The following LRRFIP1 variants were observed in gnomAD, a reference collection of about 807,000 sequenced individuals.
LRRFIP1 encodes the protein LRR binding FLII interacting protein 1.
LRRFIP1 carries 62 observed loss-of-function variants against 104.4 expected under a neutral mutation model. The observed-to-expected ratio is 0.59, with a 90% confidence interval of 0.48 to 0.73. The LOEUF is 0.73. Ranked by LOEUF, LRRFIP1 falls within the 30% of genes least tolerant of loss-of-function variation. The probability of loss-of-function intolerance (pLI) is 0.00; values close to 1 mark genes in which losing one functional copy is unlikely to be tolerated. For synonymous variants in LRRFIP1, 300 were observed against 299.0 expected (o/e 1.00, Z -0.03); for missense variants, 796 against 824.5 (o/e 0.97, Z 0.42).
intron 1 of LRRFIP1, among the ~76,000 whole-genome samples, chr2:237,650,739 T>C (rs7558097): frequency 0.59 from 90,149 of 152,172 alleles, 27,093 homozygotes; most frequent in African/African-American, 0.69. Flanking sequence ...TTGCATTCTG[T>C]ATGCCTTCTG....
In LRRFIP1 at chr2:237,760,130, G is replaced by A. The variant is rs553781888; in HGVS notation, c.1384G>A (p.Val462Ile). The change falls in exon 19 of 24, where the codon GTT (valine) becomes ATT (isoleucine). Residue 462 changes from valine (V) to isoleucine (I), a missense_variant. Coordinates refer to ENST00000308482, the MANE Select transcript of LRRFIP1 (RefSeq NM_001137550.2). ...AGAGACTTCCGACACCCTCAATAAT[G>A]TTGGATACCAAGGTCCTACCAAGAT... is the stretch of plus-strand genomic sequence containing the variant. ...NGETSDTLNN[V>I]GYQGPTKMTK... The A allele has an allele frequency of 1.2e-6, 2 of 1,613,928 alleles. No homozygotes were observed. Among genetic ancestry groups the A allele is most frequent in the South Asian group, 2.2e-5 (2 of 91,068 alleles).
In LRRFIP1 at chr2:237,649,885, T is replaced by C. The variant is rs62183641; in HGVS notation, c.96+22145T>C. Among the ~76,000 whole-genome samples, 20,757 of 151,940 alleles carry C rather than the reference T, an allele frequency of 0.14. 2,176 individuals are homozygous for C. The highest frequency in any genetic ancestry group is 0.21 in the Non-Finnish European group (14,544 of 67,854). On this transcript the variant is annotated intron_variant, in intron 1 of 23. Coordinates refer to ENST00000308482, the MANE Select transcript of LRRFIP1 (RefSeq NM_001137550.2). The surrounding 1 kb of genome is among the most constrained non-coding windows in gnomAD (Gnocchi z 4.1). Reference sequence around the variant, plus strand: ...GATTACCCCCCGGCATGTCCTAATATACTGCAGCCTTCGAAAGAGATGTAG... The same window carrying C: ...GATTACCCCCCGGCATGTCCTAATACACTGCAGCCTTCGAAAGAGATGTAG...
Position 237,738,489 on chromosome 2 carries a change from C to T in LRRFIP1, c.556-743C>T, listed in dbSNP as rs115036929. On this transcript the variant is annotated intron_variant, in intron 10 of 23. Transcript: ENST00000308482. ...CTTGAAGATGCTCCTCAGGACATGT[C>T]GGGATCCTAAATAGTGTTCAAATCC... Among the ~76,000 whole-genome samples, 276 of 152,250 alleles carry T rather than the reference C, an allele frequency of 1.8e-3. 1 individual carries two copies. Among genetic ancestry groups the T allele is most frequent in the African/African-American group, 6.4e-3 (264 of 41,532 alleles).
chr2:237,673,782 CT>C (rs2149568865), intron 1 of LRRFIP1, among the ~76,000 whole-genome samples: 1 of 152,212 alleles, frequency 6.6e-6, no homozygotes, highest in African/African-American at 2.4e-5. Flanking sequence ...AAGACAGCAG[CT>C]GTGGGAGGGC....
At chr2:237,683,336 GA>G (rs1453051486) in intron 1 of LRRFIP1, 2 of 152,254 alleles carry the variant, frequency 1.3e-5, no homozygotes, top group East Asian at 3.8e-4. Flanking sequence ...GCTGCCCAGT[GA>G]GGTACAGGGT....
chr2:237,739,097 CTT>C, intron 10 of LRRFIP1, 133 bp from the exon 11 acceptor site: 1 of 683,152 alleles, frequency 1.5e-6, no homozygotes, highest in Non-Finnish European at 2.5e-6. Flanking sequence ...CCCTAACTCT[CTT>C]TTCCTTGCCG....
At chr2:237,668,794 A>T (rs2149524211) in intron 1 of LRRFIP1, among the ~76,000 whole-genome samples, 1 of 152,342 alleles carries the variant, frequency 6.6e-6, no homozygotes, top group African/African-American at 2.4e-5. Flanking sequence ...GCTGAAAGAA[A>T]ATATTTATTA....
At position 237,661,037 on chromosome 2, in the gene LRRFIP1, C is replaced by T. The variant is rs1307764478; in HGVS notation, c.96+33297C>T. Among the ~76,000 whole-genome samples the T allele has an allele frequency of 1.3e-5, 2 of 152,180 alleles. No individual in the cohort carries two copies. Among genetic ancestry groups the T allele is most frequent in the Non-Finnish European group, 2.9e-5 (2 of 68,032 alleles). On this transcript the variant is annotated intron_variant, in intron 1 of 23. Coordinates refer to ENST00000308482, the MANE Select transcript of LRRFIP1 (RefSeq NM_001137550.2). The surrounding 1 kb of genome is among the most constrained non-coding windows in gnomAD (Gnocchi z 4.4). ...CAGCCTGGCTCCAGAGGCACGCAGT[C>T]CCTGTGCCCCGAGAAACTAACATGC... is the stretch of plus-strand genomic sequence containing the variant.
intron 1 of LRRFIP1, among the ~76,000 whole-genome samples, chr2:237,682,926 T>C (rs1003687190): frequency 5.3e-5 from 8 of 152,240 alleles, no homozygotes; most frequent in Non-Finnish European, 1.2e-4. Context: ...TTCCACAGTG[T>C]GGGCACCTCG....
At position 237,673,353 on chromosome 2, in the gene LRRFIP1, G is replaced by A. The variant is rs947205036; in HGVS notation, c.97-35191G>A. 3.3e-5 allele frequency among the ~76,000 whole-genome samples: 5 copies of A among 152,230 alleles called. No individual in the cohort carries two copies. The South Asian group carries it at 6.2e-4, about 19-fold the overall frequency. On this transcript the variant is annotated intron_variant, in intron 1 of 23. Transcript: ENST00000308482. ...CGCCAGGAAGCCATGGTAGGCGCCC[G>A]GGGGGAGTCTGGACGTCACCCCATT... is the stretch of plus-strand genomic sequence containing the variant.
At chr2:237,747,465 C>T (rs2058026288) in intron 11 of LRRFIP1, among the ~76,000 whole-genome samples, 1 of 152,196 alleles carries the variant, frequency 6.6e-6, no homozygotes, top group South Asian at 2.1e-4. Context: ...AGCACCTGCA[C>T]CCCTGTGCTG....
intron 5 of LRRFIP1, among the ~76,000 whole-genome samples, chr2:237,720,256 C>CT (rs954032828): frequency 7.4e-5 from 11 of 148,734 alleles, no homozygotes; most frequent in South Asian, 2.1e-4. Context: ...CCTGAAATTA[C>CT]TTTTTTTTTG....
chr2:237,756,047 C>G, intron 15 of LRRFIP1, 48 bp from the exon 16 acceptor site: 3 of 1,336,930 alleles, frequency 2.2e-6, no homozygotes, highest in Non-Finnish European at 3.2e-6. Context: ...ACTGGCATGC[C>G]AGAAACATGG....
At chr2:237,732,746 T>C (rs2095065348) in intron 8 of LRRFIP1, among the ~76,000 whole-genome samples, 1 of 152,214 alleles carries the variant, frequency 6.6e-6, no homozygotes, top group Admixed American at 6.5e-5. Context: ...GGGGTTTCAT[T>C]TGTTTTTTTA....
At chr2:237,664,637 A>G (rs1034279025) in intron 1 of LRRFIP1, among the ~76,000 whole-genome samples, 1 of 152,184 alleles carries the variant, frequency 6.6e-6, no homozygotes, top group Admixed American at 6.5e-5. Context: ...GAGTTTTTAA[A>G]TTTTGAGCAA....
In LRRFIP1 at chr2:237,766,627, G is replaced by A. The variant is rs1209943474; in HGVS notation, c.1460-3316G>A. Among the ~76,000 whole-genome samples, 1 of 152,172 alleles carries A rather than the reference G, an allele frequency of 6.6e-6. No homozygotes were observed. Among genetic ancestry groups the A allele is most frequent in the Admixed American group, 6.5e-5 (1 of 15,272 alleles). ...ACTCATTTGCTTAATTAATAGACAGGTTTGATCACTTTGTACATGGAAGGC... is the reference window on the plus strand; with the variant it reads ...ACTCATTTGCTTAATTAATAGACAGATTTGATCACTTTGTACATGGAAGGC... On this transcript the variant is annotated intron_variant, in intron 19 of 23. Transcript: ENST00000308482. The surrounding 1 kb of genome is among the most constrained non-coding windows in gnomAD (Gnocchi z 4.8).
rs1403167814 is a variant in LRRFIP1, at chr2:237,780,695, A to G, written c.*1163A>G. Among the ~76,000 whole-genome samples, 3 of 152,182 alleles carry G rather than the reference A, an allele frequency of 2.0e-5. No individual in the cohort carries two copies. Among genetic ancestry groups the G allele is most frequent in the Non-Finnish European group, 4.4e-5 (3 of 68,034 alleles). ...CCATATCTAGTCTTAACACATGGAG[A>G]ATGCTGGAGTGAGGGTTGTGAGTTC... On this transcript the variant is annotated 3_prime_UTR_variant, in exon 24 of 24. Coordinates refer to ENST00000308482, the MANE Select transcript of LRRFIP1 (RefSeq NM_001137550.2).
In LRRFIP1 at chr2:237,701,687, T is replaced by TA. The variant is rs2093540889; in HGVS notation, c.97-6856dup. Among the ~76,000 whole-genome samples, 3 of 152,326 alleles carry TA rather than the reference T, an allele frequency of 2.0e-5. No homozygotes were observed. In the South Asian group the frequency reaches 6.2e-4, roughly 32 times the overall value. ...GAGCCCTGGAAGAACAGGCATGGGT[T>TA]AGACTGTTTACCTCACTGCCCTGTG... On this transcript the variant is annotated intron_variant, in intron 1 of 23. Coordinates refer to ENST00000308482, the MANE Select transcript of LRRFIP1 (RefSeq NM_001137550.2).
Position 237,772,043 on chromosome 2 carries a change from T to C in LRRFIP1, c.1510-38T>C, listed in dbSNP as rs1271607576. On this transcript the variant is annotated intron_variant, in intron 20 of 23. Transcript: ENST00000308482. Reference sequence around the variant, plus strand: ...TTCAGCTTTTCGGTCTCATTCAGAGTAGAGAAATTAACAGATTTTACTGGC... The same window carrying C: ...TTCAGCTTTTCGGTCTCATTCAGAGCAGAGAAATTAACAGATTTTACTGGC... 2.8e-6 allele frequency: 4 copies of C among 1,441,516 alleles called. No homozygotes were observed. In the African/African-American group the frequency reaches 4.2e-5, roughly 15 times the overall value. The allele number at this position is 1,441,516 out of a possible 1,614,324, so 89.3% of individuals were successfully genotyped here.
Sources: gnomAD v4.1 joint callset for allele counts (sites outside exome capture counted in the v4.1 genomes callset) on GRCh38, gnomAD v4.1.1 for gene constraint, Gnocchi (gnomAD v3.1) non-coding constraint, MANE v1.5 for transcripts, NCBI Gene and HGNC (gene_info 2026-07-23, HGNC 2026-07-21) for gene names.